TMEM108: variants seen among roughly 807,000 people sequenced by gnomAD.
The protein encoded by TMEM108 is cancer/testis antigen 124.
In TMEM108, 12 loss-of-function variants were observed where a neutral mutation model predicts 35.1. The observed-to-expected ratio is 0.34, with a 90% confidence interval of 0.22 to 0.55. The LOEUF is 0.55. Ranked by LOEUF, TMEM108 falls within the 20% of genes least tolerant of loss-of-function variation. The probability of loss-of-function intolerance (pLI) is 0.89; values close to 1 mark genes in which losing one functional copy is unlikely to be tolerated. For missense variants in TMEM108, 680 were observed against 753.3 expected, an observed-to-expected ratio of 0.90 and a Z score of 1.14; for synonymous variants, 287 against 308.6, an observed-to-expected ratio of 0.93 and a Z score of 0.73.
At chr3:133,116,872 C>T (rs939439484) in intron 2 of TMEM108, among the ~76,000 whole-genome samples, 9 of 152,174 alleles carry the variant, frequency 5.9e-5, no homozygotes, top group African/African-American at 1.9e-4. Context: ...TGGGTTCAAG[C>T]GATTCTCCTG....
chr3:133,122,351 A>G (rs1030310176), intron 2 of TMEM108, among the ~76,000 whole-genome samples: 2 of 152,182 alleles, frequency 1.3e-5, no homozygotes, highest in Non-Finnish European at 2.9e-5. Context: ...TAAACTTCAT[A>G]AACAATTTAT....
chr3:133,246,211 C>T (rs1219850527), intron 3 of TMEM108: 1 of 152,194 alleles, frequency 6.6e-6, no homozygotes, highest in Non-Finnish European at 1.5e-5. Context: ...CTCAGTGCTA[C>T]ATGTGGTCAG....
intron 2 of TMEM108, among the ~76,000 whole-genome samples, chr3:133,065,052 T>G (rs1943579035): frequency 6.6e-6 from 1 of 152,158 alleles, no homozygotes; most frequent in Non-Finnish European, 1.5e-5. Flanking sequence ...AACCAGGCCT[T>G]TTATGTCTTA....
chr3:133,373,866 G>T (rs1245871866), intron 3 of TMEM108, among the ~76,000 whole-genome samples: 1 of 152,184 alleles, frequency 6.6e-6, no homozygotes, highest in Non-Finnish European at 1.5e-5. Context: ...AAAATCTTAG[G>T]GTTGACCAGG....
At chr3:133,319,074 A>T (rs908879725) in intron 3 of TMEM108, among the ~76,000 whole-genome samples, 2 of 152,120 alleles carry the variant, frequency 1.3e-5, no homozygotes, top group African/African-American at 4.8e-5. Flanking sequence ...GCCCATCACA[A>T]CTGGCTTTCC....
intron 2 of TMEM108, among the ~76,000 whole-genome samples, chr3:133,149,587 C>A (rs1272606776): frequency 6.6e-6 from 1 of 152,142 alleles, no homozygotes; most frequent in Non-Finnish European, 1.5e-5. Context: ...TAAGTGAGAT[C>A]ATACAGTATT....
rs530083129 is a variant in TMEM108 at position 133,390,172 on chromosome 3, C to G, written c.1451-8C>G. ...CCCTCTCCTCTCTGACTTGCACTCTCTCCATAGCTGTCCTGCTGACGGTGT... is the reference window on the plus strand; with the variant it reads ...CCCTCTCCTCTCTGACTTGCACTCTGTCCATAGCTGTCCTGCTGACGGTGT... On this transcript the variant is annotated splice_polypyrimidine_tract_variant and splice_region_variant and intron_variant, in intron 4 of 5. Coordinates refer to ENST00000321871, the MANE Select transcript of TMEM108 (RefSeq NM_023943.4). 2.5e-6 allele frequency: 4 copies of G among 1,614,086 alleles called. 1 individual carries two copies. In the South Asian group the frequency reaches 3.3e-5, roughly 13 times the overall value.
intron 3 of TMEM108, among the ~76,000 whole-genome samples, chr3:133,240,602 A>G (rs1459381748): frequency 6.6e-6 from 1 of 152,212 alleles, no homozygotes; most frequent in Non-Finnish European, 1.5e-5. Flanking sequence ...GAGTAAACCC[A>G]ATTTTCTATA....
chr3:133,067,673 A>G (rs186750294), intron 2 of TMEM108, among the ~76,000 whole-genome samples: 2,521 of 152,300 alleles, frequency 0.017, 67 homozygotes, highest in African/African-American at 0.058. Flanking sequence ...GCTCTCAGAG[A>G]CTTTTGTCTA....
intron 3 of TMEM108, among the ~76,000 whole-genome samples, chr3:133,302,417 T>TC (rs1559897499): frequency 8.9e-6 from 1 of 112,680 alleles, no homozygotes; most frequent in African/African-American, 3.4e-5. Flanking sequence ...CTTTCTTTCT[T>TC]TTTTTTTTTT....
intron 3 of TMEM108, among the ~76,000 whole-genome samples, chr3:133,262,263 C>G (rs1946635131): frequency 6.6e-6 from 1 of 152,182 alleles, no homozygotes; most frequent in South Asian, 2.1e-4. Flanking sequence ...TAATTTCATA[C>G]TGAATGCAGT....
At chr3:133,222,862 T>A (rs1576392788) in intron 2 of TMEM108, among the ~76,000 whole-genome samples, 1 of 152,228 alleles carries the variant, frequency 6.6e-6, no homozygotes, top group East Asian at 1.9e-4. Flanking sequence ...TTTTTCTCAC[T>A]CTGTCACCCA....
chr3:133,374,796 G>GA (rs1265028914), intron 3 of TMEM108, among the ~76,000 whole-genome samples: 3 of 151,666 alleles, frequency 2.0e-5, no homozygotes, highest in Admixed American at 1.3e-4. Context: ...AATAGAGATA[G>GA]AAAAAAAACA....
chr3:133,368,292 TC>T (rs1487172107), intron 3 of TMEM108, among the ~76,000 whole-genome samples: 1 of 152,186 alleles, frequency 6.6e-6, no homozygotes, highest in Non-Finnish European at 1.5e-5. Flanking sequence ...TTGTCCTATT[TC>T]CTGCTGCTGT....
intron 2 of TMEM108, among the ~76,000 whole-genome samples, chr3:133,073,508 C>A (rs35791797): frequency 0.08 from 5,481 of 68,272 alleles, 195 homozygotes; most frequent in East Asian, 0.1. Flanking sequence ...CTCTCTCTCT[C>A]TCTATATATA....
intron 2 of TMEM108, among the ~76,000 whole-genome samples, chr3:133,196,354 C>T (rs1945576534): frequency 6.6e-6 from 1 of 152,104 alleles, no homozygotes; most frequent in African/African-American, 2.4e-5. Flanking sequence ...TGGAGCCTAC[C>T]AGTGGTATAC....
At chr3:133,157,267 A>G (rs1944895290) in intron 2 of TMEM108, among the ~76,000 whole-genome samples, 1 of 152,226 alleles carries the variant, frequency 6.6e-6, no homozygotes, top group African/African-American at 2.4e-5. Flanking sequence ...TAAGGTATCT[A>G]CAGACCAGGA....
At chr3:133,378,439 G>A (rs2072906734) in intron 3 of TMEM108, 1 of 985,338 alleles carries the variant, frequency 1.0e-6, no homozygotes, top group African/African-American at 1.7e-5. Context: ...GACGCTCTGA[G>A]AGAGTAATTA....
At chr3:133,272,214 G>A (rs557058457) in intron 3 of TMEM108, among the ~76,000 whole-genome samples, 1 of 151,934 alleles carries the variant, frequency 6.6e-6, no homozygotes, top group African/African-American at 2.4e-5. Context: ...GTAATGGGGC[G>A]GAGGGGTATG....
Sources: allele counts gnomAD v4.1 joint callset (sites outside exome capture counted in the v4.1 genomes callset), GRCh38; gene constraint gnomAD v4.1.1; transcripts MANE v1.5; gene names NCBI Gene and HGNC (gene_info 2026-07-23, HGNC 2026-07-21).